AFAP1L2: variants seen among roughly 807,000 people sequenced by gnomAD.
AFAP1L2 encodes actin filament associated protein 1 like 2, also known as actin filament-associated protein 1-like 2.
A neutral mutation model predicts 99.3 loss-of-function variants in AFAP1L2; 46 were observed. The ratio of observed to expected loss-of-function variants is 0.46; its 90% CI spans 0.37 to 0.59. The LOEUF (loss-of-function observed/expected upper bound fraction) is 0.59. Among genes scored for constraint, AFAP1L2 ranks in the 20% least tolerant of loss-of-function variants. The pLI, the probability that AFAP1L2 is intolerant of heterozygous loss-of-function variation, is 0.00. For missense variants in AFAP1L2, 959 were observed against 1,034.9 expected (o/e 0.93, Z 1.01); for synonymous variants, 397 against 419.1 (o/e 0.95, Z 0.64).
At chr10:114,306,291 G>A (rs1299868793) in intron 10 of AFAP1L2, among the ~76,000 whole-genome samples, 4 of 143,592 alleles carry the variant, frequency 2.8e-5, no homozygotes, top group African/African-American at 7.7e-5. Context: ...AGGAGGCGTC[G>A]GGGCTGCAGG....
intron 1 of AFAP1L2, among the ~76,000 whole-genome samples, chr10:114,400,037 C>T (rs1233982694): frequency 6.6e-6 from 1 of 152,232 alleles, no homozygotes; most frequent in Non-Finnish European, 1.5e-5. Flanking sequence ...GTTCCTGAGC[C>T]ACTACTTTCT....
chr10:114,378,580 T>A (rs1259823572), intron 1 of AFAP1L2, among the ~76,000 whole-genome samples: 9 of 152,194 alleles, frequency 5.9e-5, no homozygotes, highest in Admixed American at 5.9e-4. Context: ...AGCAATGGAG[T>A]CTTGCTCCTT....
chr10:114,362,053 G>A (rs1392007030), intron 1 of AFAP1L2, among the ~76,000 whole-genome samples: 1 of 152,216 alleles, frequency 6.6e-6, no homozygotes, highest in Non-Finnish European at 1.5e-5. Context: ...GAATTTAGGA[G>A]TTCCACTAAC....
chr10:114,380,609 A>G (rs1376341411), intron 1 of AFAP1L2, among the ~76,000 whole-genome samples: 4 of 152,206 alleles, frequency 2.6e-5, no homozygotes, highest in Non-Finnish European at 5.9e-5. Flanking sequence ...AGAGTGAGGG[A>G]ACATATCATA....
chr10:114,392,164 T>C (rs886078847), intron 1 of AFAP1L2, among the ~76,000 whole-genome samples: 1 of 152,140 alleles, frequency 6.6e-6, no homozygotes, highest in African/African-American at 2.4e-5. Flanking sequence ...GGCAGGAGGA[T>C]TGCTTGAAGC....
chr10:114,281,182 G>A, the AFAP1L2 span: 1 of 152,302 alleles, frequency 6.6e-6, no homozygotes, highest in Non-Finnish European at 1.5e-5. Flanking sequence ...GTTGGAAGAA[G>A]CCTTATTTGG....
chr10:114,309,439 T>A (rs2042883949), intron 8 of AFAP1L2, among the ~76,000 whole-genome samples: 1 of 152,192 alleles, frequency 6.6e-6, no homozygotes, highest in Non-Finnish European at 1.5e-5. Context: ...CTTGTTTTCC[T>A]CCCTGCTGGG....
chr10:114,286,507 GC>G, the AFAP1L2 span: 1 of 1,563,148 alleles, frequency 6.4e-7, no homozygotes, highest in Non-Finnish European at 8.7e-7. Context: ...GCCGGCAGCG[GC>G]CAGGTAAGGT....
intron 1 of AFAP1L2, among the ~76,000 whole-genome samples, chr10:114,384,581 C>A (rs951466067): frequency 6.6e-5 from 10 of 152,180 alleles, no homozygotes; most frequent in Non-Finnish European, 1.5e-4. Context: ...ATTTTTCCTT[C>A]CAAATTTTAA....
At chr10:114,286,234 G>C in the AFAP1L2 span, 515 of 1,613,344 alleles carry the variant, frequency 3.2e-4, 5 homozygotes, top group South Asian at 5.4e-3. Flanking sequence ...AGGCGGCAGA[G>C]CGTGGCTTCG....
intron 2 of AFAP1L2, among the ~76,000 whole-genome samples, chr10:114,337,166 T>C (rs991679117): frequency 7.9e-5 from 12 of 152,360 alleles, no homozygotes; most frequent in African/African-American, 2.9e-4. Context: ...TGCAGTGCAA[T>C]GGAGCAGGGG....
the AFAP1L2 span, chr10:114,285,860 A>T: frequency 2.2e-6 from 3 of 1,390,928 alleles, no homozygotes; most frequent in South Asian, 4.4e-5. Flanking sequence ...CTCCTGGGAG[A>T]TGTTCGGCAT....
chr10:114,313,393 G>A (rs148146046), intron 7 of AFAP1L2, among the ~76,000 whole-genome samples: 1,636 of 151,800 alleles, frequency 0.011, 14 homozygotes, highest in Non-Finnish European at 0.019. Context: ...CTGTGTAGAC[G>A]GGCCTCGGTC....
chr10:114,327,749 C>T (rs988013084), intron 4 of AFAP1L2, among the ~76,000 whole-genome samples: 1 of 152,204 alleles, frequency 6.6e-6, no homozygotes, highest in African/African-American at 2.4e-5. Flanking sequence ...AAGGATGTTA[C>T]AGATCAGATT....
Position 114,403,960 on chromosome 10 carries a change from C to G in AFAP1L2, c.16+480G>C, listed in dbSNP as rs1589557083. ...ACCTAGCCCGGGGAGGGTCTGCGCGCCCACTCCACTGCCCAAGCGCTTTGC... is the reference window on the plus strand; with the variant it reads ...ACCTAGCCCGGGGAGGGTCTGCGCGGCCACTCCACTGCCCAAGCGCTTTGC... On this transcript the variant is annotated intron_variant, in intron 1 of 18. Transcript: ENST00000304129. Among the ~76,000 whole-genome samples, 3 of 152,336 alleles carry G rather than the reference C, an allele frequency of 2.0e-5. No homozygotes were observed. The East Asian group carries it at 5.8e-4, about 29-fold the overall frequency.
At chr10:114,372,350 A>G (rs2054229926) in intron 1 of AFAP1L2, among the ~76,000 whole-genome samples, 1 of 152,084 alleles carries the variant, frequency 6.6e-6, no homozygotes, top group Non-Finnish European at 1.5e-5. Flanking sequence ...CTGACTTGCC[A>G]TTGTGTGTCT....
Position 114,313,569 on chromosome 10 carries a change from A to G in AFAP1L2, c.792+302T>C, listed in dbSNP as rs608797. ...TAATAGTCCTGGGTCTATGGCAAATACGTGGCAAATGGCAGCGACATGTAT... is the reference window on the plus strand; with the variant it reads ...TAATAGTCCTGGGTCTATGGCAAATGCGTGGCAAATGGCAGCGACATGTAT... On this transcript the variant is annotated intron_variant, in intron 7 of 18. Coordinates refer to ENST00000304129, the MANE Select transcript of AFAP1L2 (RefSeq NM_001001936.3). Among the ~76,000 whole-genome samples the G allele has an allele frequency of 4.7e-3, 710 of 152,302 alleles. 5 individuals are homozygous for G. The highest frequency in any genetic ancestry group is 0.016 in the African/African-American group (669 of 41,578).
At position 114,304,776 on chromosome 10, in the gene AFAP1L2, G is replaced by T. The variant is rs144663048; in HGVS notation, c.1227C>A (p.Pro409=). The T allele has an allele frequency of 2.5e-6, 4 of 1,612,884 alleles. No individual in the cohort carries two copies. The African/African-American group carries it at 4.0e-5, about 16-fold the overall frequency. ...GGATGCGGAAGGAGTAGAGGTGGTC[G>T]GGGCTGGGGTCTGGGACCACCTCGC... The part of the protein sequence containing the change: ...VGCEVVPDPS[P]DHLYSFRILH... Residue 409 remains proline (P), a synonymous_variant, in exon 11 of 19, where the codon CCC becomes CCA. Coordinates refer to ENST00000304129, the MANE Select transcript of AFAP1L2 (RefSeq NM_001001936.3).
At chr10:114,392,204 A>G (rs190167471) in intron 1 of AFAP1L2, among the ~76,000 whole-genome samples, 117 of 152,232 alleles carry the variant, frequency 7.7e-4, no homozygotes, top group Non-Finnish European at 9.9e-4. Flanking sequence ...TGGTCAACAT[A>G]GCAAGACCCC....
Sources: allele counts gnomAD v4.1 joint callset (sites outside exome capture counted in the v4.1 genomes callset), GRCh38; gene constraint gnomAD v4.1.1; transcripts MANE v1.5; gene names NCBI Gene and HGNC (gene_info 2026-07-23, HGNC 2026-07-21).